Variants in ABCC1 observed in about 807,000 individuals in gnomAD.
ABCC1 encodes ATP binding cassette subfamily C member 1 (ABCC1 blood group).
ABCC1 carries 83 observed loss-of-function variants against 172.9 expected under a neutral mutation model. The observed-to-expected ratio is 0.48, with a 90% CI of 0.40 to 0.58. The LOEUF (loss-of-function observed/expected upper bound fraction) is 0.58. Among genes scored for constraint, ABCC1 ranks in the 20% least tolerant of loss-of-function variants. ABCC1 has a pLI of 0.00. For synonymous variants in ABCC1, 937 were observed against 825.2 expected, an observed-to-expected ratio of 1.14 and a Z score of -2.32; for missense variants, 1,817 against 2,002.7, an observed-to-expected ratio of 0.91 and a Z score of 1.77.
Position 16,086,899 on chromosome 16 carries a change from C to G in ABCC1, c.2368C>G (p.Leu790Val). 1 of 1,614,232 alleles carries G rather than the reference C, an allele frequency of 6.2e-7. No homozygotes were observed. The highest frequency in any genetic ancestry group is 8.5e-7 in the Non-Finnish European group (1 of 1,180,050). The change falls in exon 18 of 31, where the codon CTC becomes GTC. Residue 790 changes from leucine (L) to valine (V), a missense_variant. Physicochemically the swap from Leu to Val is conservative, Grantham distance 32. This residue lies in a region of ABCC1 where 1,412 missense variants were observed against 1,600.3 expected (regional missense o/e 0.88). Coordinates refer to ENST00000399410, the MANE Select transcript of ABCC1 (RefSeq NM_004996.4). ...RAVYSNADIY[L>V]FDDPLSAVDA... ...CGTGTACTCCAACGCTGACATTTAC[C>G]TCTTCGATGATCCCCTCTCAGCAGT...
At chr16:15,970,563 A>G (rs1419605777) in intron 1 of ABCC1, among the ~76,000 whole-genome samples, 1 of 152,128 alleles carries the variant, frequency 6.6e-6, no homozygotes, top group African/African-American at 2.4e-5. Context: ...GTGCAGAAGC[A>G]CTGGCTTAAT....
At chr16:16,098,784 A>T (rs1303569355) in intron 19 of ABCC1, 3 of 1,200,608 alleles carry the variant, frequency 2.5e-6, no homozygotes, top group East Asian at 4.7e-5. Context: ...TAGAAAAGAC[A>T]CTCCCTTCAC....
At chr16:16,116,313 A>G (rs1460723894) in intron 23 of ABCC1, among the ~76,000 whole-genome samples, 2 of 152,156 alleles carry the variant, frequency 1.3e-5, no homozygotes, top group African/African-American at 4.8e-5. Context: ...GCAAGGGAGC[A>G]TATGGGTGCT....
intron 12 of ABCC1, among the ~76,000 whole-genome samples, chr16:16,065,748 T>A (rs538879334): frequency 1.7e-3 from 259 of 152,276 alleles, no homozygotes; most frequent in African/African-American, 5.8e-3. Flanking sequence ...GCTTATTTTT[T>A]AAAAAATTTT....
chr16:16,004,884 C>T (rs974109805), intron 1 of ABCC1, among the ~76,000 whole-genome samples: 11 of 151,828 alleles, frequency 7.2e-5, no homozygotes, highest in East Asian at 3.8e-4. Context: ...CCATGTTGGC[C>T]GGGCTTGTCT....
At chr16:16,055,570 C>T (rs1010721381) in intron 11 of ABCC1, among the ~76,000 whole-genome samples, 1 of 150,878 alleles carries the variant, frequency 6.6e-6, no homozygotes, top group African/African-American at 2.4e-5. Context: ...AGAAAAAATA[C>T]GAAAACAGAG....
chr16:15,952,744 A>AAAAG (rs2045903963), intron 1 of ABCC1, among the ~76,000 whole-genome samples: 1 of 108,020 alleles, frequency 9.3e-6, no homozygotes, highest in African/African-American at 3.5e-5. Context: ...AAAAAAAAAA[A>AAAAG]GCAGGCCGGG....
intron 7 of ABCC1, among the ~76,000 whole-genome samples, chr16:16,038,139 G>A (rs1041071723): frequency 1.3e-5 from 2 of 152,038 alleles, no homozygotes; most frequent in African/African-American, 4.8e-5. Context: ...ATGTATACAT[G>A]GTAGGTAGAT....
rs1036468233 is a variant in ABCC1 at position 16,007,849 on chromosome 16, G to A, written c.82G>A (p.Asp28Asn). 6.2e-7 allele frequency: 1 copy of A among 1,613,140 alleles called. No homozygotes were observed. Among genetic ancestry groups the A allele is most frequent in the South Asian group, 1.1e-5 (1 of 90,816 alleles). The part of the protein sequence containing the change: ...WNVTWNTSNP[D>N]FTKCFQNTVL... ...TGTCACGTGGAATACCAGCAACCCCGACTTCACCAAGTGCTTTCAGAACAC... is the reference window on the plus strand; with the variant it reads ...TGTCACGTGGAATACCAGCAACCCCAACTTCACCAAGTGCTTTCAGAACAC... Residue 28 changes from aspartate to asparagine, a missense_variant, in exon 2 of 31, where the codon GAC becomes AAC. Transcript: ENST00000399410.
chr16:15,982,568 CAT>C (rs766374516), intron 1 of ABCC1, among the ~76,000 whole-genome samples: 4 of 149,994 alleles, frequency 2.7e-5, no homozygotes, highest in East Asian at 2.0e-4. Flanking sequence ...TCTTCCATGA[CAT>C]GTGAGGATTA....
chr16:16,134,229 T>G, intron 27 of ABCC1, 121 bp from the exon 28 acceptor site: 1 of 1,248,614 alleles, frequency 8.0e-7, no homozygotes, highest in Non-Finnish European at 1.1e-6. Flanking sequence ...GGGAGAGGGC[T>G]GTCGAGTTGG....
intron 30 of ABCC1, 85 bp downstream of exon 30, chr16:16,138,643 C>G: frequency 8.4e-7 from 1 of 1,189,814 alleles, no homozygotes; most frequent in Non-Finnish European, 1.1e-6. Flanking sequence ...ATTCATTCAA[C>G]ACTGTCCTTA....
chr16:16,046,357 T>A (rs1047041765), intron 9 of ABCC1, among the ~76,000 whole-genome samples: 2 of 152,048 alleles, frequency 1.3e-5, no homozygotes, highest in African/African-American at 4.8e-5. Context: ...TTTTTTTCGT[T>A]TTTTTGAGAC....
chr16:15,983,505 T>A (rs888172946), intron 1 of ABCC1, among the ~76,000 whole-genome samples: 1 of 150,080 alleles, frequency 6.7e-6, no homozygotes, highest in Non-Finnish European at 1.5e-5. Context: ...ATTTATTAGG[T>A]GTGGAATGAA....
chr16:16,069,939 G>A (rs543379588), intron 13 of ABCC1, among the ~76,000 whole-genome samples: 2 of 152,242 alleles, frequency 1.3e-5, no homozygotes, highest in South Asian at 2.1e-4. Context: ...CACGAGAATC[G>A]CTTGAACCTG....
chr16:16,074,517 A>G (rs941625065), intron 14 of ABCC1, among the ~76,000 whole-genome samples: 4 of 152,198 alleles, frequency 2.6e-5, no homozygotes, highest in African/African-American at 7.2e-5. Flanking sequence ...TGCAAGCATC[A>G]GGAAACCCCT....
intron 20 of ABCC1, among the ~76,000 whole-genome samples, chr16:16,103,301 C>G (rs992694954): frequency 1.3e-5 from 2 of 152,158 alleles, no homozygotes. Context: ...CTAAGTCGGC[C>G]AGGCAGGGTG....
chr16:16,067,174 C>T (rs45504698), intron 12 of ABCC1, among the ~76,000 whole-genome samples: 29,844 of 152,016 alleles, frequency 0.2, 3,146 homozygotes, highest in East Asian at 0.27. Context: ...TGCTTGAGCC[C>T]GGGAGGTCGA....
chr16:16,103,587 AAAAAC>A (rs1166445163), intron 20 of ABCC1, among the ~76,000 whole-genome samples: 3 of 152,210 alleles, frequency 2.0e-5, no homozygotes, highest in East Asian at 1.9e-4. Context: ...CTCAAAAAAC[AAAAAC>A]AAAACAAAAC....
Sources: allele counts gnomAD v4.1 joint callset (sites outside exome capture counted in the v4.1 genomes callset), GRCh38; gene constraint gnomAD v4.1.1; regional missense constraint gnomAD v4.1.1; transcripts MANE v1.5; gene names NCBI Gene and HGNC (gene_info 2026-07-23, HGNC 2026-07-21).